Variants in LZIC observed in about 807,000 individuals in gnomAD.
LZIC encodes protein LZIC.
LZIC carries 28 observed loss-of-function variants against 25.4 expected under a neutral mutation model. That is an observed-to-expected ratio of 1.10 (90% confidence interval 0.82 to 1.51). The LOEUF (loss-of-function observed/expected upper bound fraction) is 1.51, where lower values mean the gene tolerates loss of function less well. Ranked by LOEUF, LZIC falls within the 40% of genes most tolerant of loss-of-function variation. The pLI is 0.00. For missense variants in LZIC, 170 were observed against 211.1 expected (o/e 0.81, Z 1.21); for synonymous variants, 65 against 70.7 (o/e 0.92, Z 0.40).
intron 4 of LZIC, among the ~76,000 whole-genome samples, chr1:9,935,080 G>T (rs1206709965): frequency 1.3e-5 from 2 of 151,684 alleles, no homozygotes; most frequent in Admixed American, 1.3e-4. Flanking sequence ...AGGATTGCTT[G>T]AGCCCATGAG....
chr1:9,932,733 A>G (rs1570635177), intron 6 of LZIC, 70 bp downstream of exon 6: 1 of 820,482 alleles, frequency 1.2e-6, no homozygotes, highest in East Asian at 2.7e-5. Flanking sequence ...AAACTAGACC[A>G]CAGATCAAGA....
chr1:9,938,018 G>A (rs957352734), intron 2 of LZIC, among the ~76,000 whole-genome samples: 18 of 151,732 alleles, frequency 1.2e-4, no homozygotes, highest in Admixed American at 1.2e-3. Context: ...TTCATTATTG[G>A]TCTATCTTAC....
At chr1:9,940,283 T>C (rs957770207) in intron 2 of LZIC, among the ~76,000 whole-genome samples, 3 of 151,930 alleles carry the variant, frequency 2.0e-5, no homozygotes, top group Non-Finnish European at 4.4e-5. Flanking sequence ...TTCACACCAT[T>C]CTCCTGCCTC....
At chr1:9,925,155 T>C (rs992249973), downstream of LZIC, among the ~76,000 whole-genome samples, 4 of 56,068 alleles carry the variant, frequency 7.1e-5, no homozygotes, top group East Asian at 4.3e-4. Flanking sequence ...CTACTAAAAA[T>C]ACAAAAAAAA....
intron 3 of LZIC, among the ~76,000 whole-genome samples, 160 bp from the exon 4 acceptor site, chr1:9,935,787 G>A (rs1228328703): frequency 6.6e-6 from 1 of 152,148 alleles, no homozygotes. Flanking sequence ...CTGCAATATA[G>A]TTACTTTGGT....
intron 3 of LZIC, 61 bp from the exon 4 acceptor site, chr1:9,935,688 T>G: frequency 7.0e-7 from 1 of 1,425,088 alleles, no homozygotes; most frequent in Non-Finnish European, 9.5e-7. Context: ...AAATGCAATC[T>G]TAATACTTGT....
In LZIC at chr1:9,928,642, C is replaced by A. The variant is rs572411160; in HGVS notation, c.*1757G>T. Among the ~76,000 whole-genome samples, 1 of 151,960 alleles carries A rather than the reference C, an allele frequency of 6.6e-6. No individual in the cohort carries two copies. The highest frequency in any genetic ancestry group is 2.4e-5 in the African/African-American group (1 of 41,462). ...CTATAATCCCAGCACTTTGGGAGGC[C>A]GAGGCAGTTGGATCACCTGAGGTCA... On this transcript the variant is annotated 3_prime_UTR_variant, in exon 8 of 8. Transcript: ENST00000377223.
intron 6 of LZIC, 37 bp from the exon 7 acceptor site, chr1:9,932,009 A>G (rs1435633631): frequency 6.8e-7 from 1 of 1,481,290 alleles, no homozygotes; most frequent in Non-Finnish European, 9.3e-7. Flanking sequence ...TGAGTGGGTA[A>G]ATGTTACAGG....
intron 2 of LZIC, 42 bp downstream of exon 2, chr1:9,942,582 C>CA: frequency 3.8e-6 from 4 of 1,051,436 alleles, no homozygotes; most frequent in Non-Finnish European, 3.8e-6. Flanking sequence ...AAACCGCTCT[C>CA]AGACACTATA....
At chr1:9,931,297 CTG>C (rs1640201829) in intron 7 of LZIC, among the ~76,000 whole-genome samples, 1 of 151,768 alleles carries the variant, frequency 6.6e-6, no homozygotes, top group African/African-American at 2.4e-5. Context: ...GAGTCTCGCT[CTG>C]TCGCCCAGGC....
intron 2 of LZIC, 112 bp from the exon 3 acceptor site, chr1:9,936,739 C>T (rs912932341): frequency 1.3e-5 from 9 of 706,436 alleles, no homozygotes; most frequent in Admixed American, 5.0e-5. Flanking sequence ...AGGCTGGTCT[C>T]GGAACATCTG....
chr1:9,938,549 A>G (rs1476970056), intron 2 of LZIC, among the ~76,000 whole-genome samples: 1 of 152,138 alleles, frequency 6.6e-6, no homozygotes, highest in Non-Finnish European at 1.5e-5. Context: ...TATAACATGG[A>G]TACAAAGCCT....
downstream of LZIC, among the ~76,000 whole-genome samples, chr1:9,923,074 G>A (rs1403179776): frequency 6.6e-6 from 1 of 152,148 alleles, no homozygotes; most frequent in Non-Finnish European, 1.5e-5. Context: ...TCCAGGAAAG[G>A]AAAAGACAGG....
Position 9,935,527 on chromosome 1 carries a change from T to G in LZIC, c.202A>C (p.Met68Leu). ...DSLKKIMSGN[M>L]TLVDELSGMQ... ...CCACTTAGTTCATCTACCAAAGTCATATTTCCAGACATAATTTTCTTTAGT... is the reference window on the plus strand; with the variant it reads ...CCACTTAGTTCATCTACCAAAGTCAGATTTCCAGACATAATTTTCTTTAGT... Residue 68 changes from methionine (M) to leucine (L), a missense_variant, in exon 4 of 8, where the codon ATG (methionine) becomes CTG (leucine). By Grantham distance (15) the Met-to-Leu change is conservative. Transcript: ENST00000377223. 1 of 1,611,740 alleles carries G rather than the reference T, an allele frequency of 6.2e-7. No homozygotes were observed. Among genetic ancestry groups the G allele is most frequent in the South Asian group, 1.1e-5 (1 of 90,260 alleles).
chr1:9,923,597 C>A (rs1308888185), downstream of LZIC, among the ~76,000 whole-genome samples: 1 of 138,844 alleles, frequency 7.2e-6, no homozygotes, highest in East Asian at 2.1e-4. Context: ...CTCTAGGGCT[C>A]AAGCAGTCCT....
At chr1:9,923,518 CTTT>C (rs60858066), downstream of LZIC, among the ~76,000 whole-genome samples, 1,048 of 74,170 alleles carry the variant, frequency 0.014, 11 homozygotes, top group Admixed American at 0.024. Flanking sequence ...CCCAATGCTT[CTTT>C]TTTTTTTTTT....
Position 9,934,792 on chromosome 1 carries a change from T to C in LZIC, c.306A>G (p.Gln102=). The change falls in exon 5 of 8, where the codon CAA becomes CAG. Residue 102 remains glutamine (Q), a synonymous_variant. Transcript: ENST00000377223. ...CTAACCTTGTCCGAAGCTGACCTGG[T>C]TGTTTCTTTGCAAACAATCTGATGA... ...PEVIRLFAKK[Q]PGQLRTRLAE... 1 of 1,614,180 alleles carries C rather than the reference T, an allele frequency of 6.2e-7. No homozygotes were observed. Among genetic ancestry groups the C allele is most frequent in the Non-Finnish European group, 8.5e-7 (1 of 1,180,014 alleles).
At position 9,934,876 on chromosome 1, in the gene LZIC, G is replaced by T. The variant is rs757092008; in HGVS notation, c.238-16C>A. On this transcript the variant is annotated splice_polypyrimidine_tract_variant and intron_variant, in intron 4 of 7. Transcript: ENST00000377223. ...CCTGAATAGCCTAGAAACACAAGAAGGCAAAAACTAACCAAAATAGTCCAA... is the reference window on the plus strand; with the variant it reads ...CCTGAATAGCCTAGAAACACAAGAATGCAAAAACTAACCAAAATAGTCCAA... The T allele has an allele frequency of 6.3e-7, 1 of 1,594,430 alleles. No homozygotes were observed. The highest frequency in any genetic ancestry group is 8.6e-7 in the Non-Finnish European group (1 of 1,163,160).
chr1:9,923,856 G>A (rs1183304278), downstream of LZIC, among the ~76,000 whole-genome samples: 1 of 151,844 alleles, frequency 6.6e-6, no homozygotes, highest in African/African-American at 2.4e-5. Flanking sequence ...AGGTTCAAGC[G>A]ATTCTCCCGC....
Sources: allele counts gnomAD v4.1 joint callset (sites outside exome capture counted in the v4.1 genomes callset), GRCh38; gene constraint gnomAD v4.1.1; transcripts MANE v1.5; gene names NCBI Gene and HGNC (gene_info 2026-07-23, HGNC 2026-07-21).